Variants in KIF12 observed in about 807,000 individuals in gnomAD.
The protein encoded by KIF12 is kinesin-like protein KIF12.
Under a neutral mutation model 87.9 loss-of-function variants are expected in KIF12, and 80 were observed. The ratio of observed to expected loss-of-function variants is 0.91; its 90% CI spans 0.76 to 1.10. The LOEUF (loss-of-function observed/expected upper bound fraction) is 1.10, where lower values mean the gene tolerates loss of function less well. Ranked by LOEUF, KIF12 falls within the 50% of genes least tolerant of loss-of-function variation. KIF12 has a pLI of 0.00. For missense variants in KIF12, 819 were observed against 865.3 expected, an observed-to-expected ratio of 0.95 and a Z score of 0.67; for synonymous variants, 353 against 348.5, an observed-to-expected ratio of 1.01 and a Z score of -0.14.
chr9:114,098,200 G>T lies in KIF12; in HGVS notation c.300-10C>A. 1 of 1,543,038 alleles carries T rather than the reference G, an allele frequency of 6.5e-7. No homozygotes were observed. Among genetic ancestry groups the T allele is most frequent in the African/African-American group, 1.4e-5 (1 of 71,858 alleles). ...AACAGTGCAGGAGAAACTGCGGGCG[G>T]CAAGGGCGTGGCTGGACTCCGGCGG... On this transcript the variant is annotated splice_polypyrimidine_tract_variant and intron_variant, in intron 4 of 18. Coordinates refer to ENST00000640217, the MANE Select transcript of KIF12 (RefSeq NM_001388308.1).
chr9:114,093,465 T>A lies in KIF12; in HGVS notation c.1433A>T (p.Gln478Leu). ...ACACGGTGGGGTCAGGCCAGGACCC[T>A]GCTGGTGATGGTAGCAGGCAGAGAG... ...RLLSACYHHQ[Q>L]GPGLTPPCPC... The change falls in exon 15 of 19, where the codon CAG (glutamine) becomes CTG (leucine). Residue 478 changes from glutamine (Q) to leucine (L), a missense_variant. Physicochemically the swap from Gln to Leu is moderately radical, Grantham distance 113. Coordinates refer to ENST00000640217, the MANE Select transcript of KIF12 (RefSeq NM_001388308.1). 6.4e-7 allele frequency: 1 copy of A among 1,565,442 alleles called. No homozygotes were observed. Among genetic ancestry groups the A allele is most frequent in the Non-Finnish European group, 8.7e-7 (1 of 1,154,544 alleles).
In KIF12 at chr9:114,092,007, A is replaced by G. The variant is rs1438849959; in HGVS notation, c.1817-7T>C. On this transcript the variant is annotated splice_polypyrimidine_tract_variant and splice_region_variant and intron_variant, in intron 18 of 18. Coordinates refer to ENST00000640217, the MANE Select transcript of KIF12 (RefSeq NM_001388308.1). ...TTTGGAACCCCGGCCCCACCTAAGG[A>G]GCAGTGAGACTCGAGGCCTGCCCTC... is the stretch of plus-strand genomic sequence containing the variant. 6.2e-7 allele frequency: 1 copy of G among 1,608,658 alleles called. No individual in the cohort carries two copies. Among genetic ancestry groups the G allele is most frequent in the Admixed American group, 1.7e-5 (1 of 59,748 alleles).
chr9:114,096,599 C>G lies in KIF12; in HGVS notation c.647-121G>C, dbSNP rs529548284. On this transcript the variant is annotated intron_variant, in intron 7 of 18. Coordinates refer to ENST00000640217, the MANE Select transcript of KIF12 (RefSeq NM_001388308.1). ...GCCTCATGCAAAGGCAGGGAGGCAA[C>G]AGAGTGGGTGTTGTTCAGGGAACGA... The G allele has an allele frequency of 2.4e-5, 19 of 802,160 alleles. No homozygotes were observed. The South Asian group carries it at 2.8e-4, about 12-fold the overall frequency. The allele number at this position is 802,160 out of a possible 1,614,324, so 49.7% of individuals were successfully genotyped here. A position where few individuals can be genotyped will look rare whatever the true frequency, so the allele number is the denominator to read the frequency against.
intron 16 of KIF12, 178 bp downstream of exon 16, chr9:114,093,051 G>T (rs78849667): frequency 1.0e-5 from 12 of 1,176,000 alleles, no homozygotes; most frequent in South Asian, 6.2e-5. Flanking sequence ...GGTGAGGAGG[G>T]GGGAGGGTGA....
intron 18 of KIF12, 103 bp downstream of exon 18, chr9:114,092,230 A>G: frequency 1.3e-6 from 2 of 1,484,284 alleles, no homozygotes; most frequent in Middle Eastern, 2.3e-4. Flanking sequence ...CCACCTCTCA[A>G]CACCCACCCC....
intron 5 of KIF12, 25 bp downstream of exon 5, chr9:114,098,090 G>C (rs1034235309): frequency 1.9e-6 from 3 of 1,541,360 alleles, no homozygotes; most frequent in African/African-American, 2.8e-5. Flanking sequence ...CCCGCCCCGC[G>C]GGGGCGCCGC....
chr9:114,092,043 T>A, intron 18 of KIF12, 43 bp from the exon 19 acceptor site: 2 of 1,577,432 alleles, frequency 1.3e-6, no homozygotes, highest in Non-Finnish European at 8.6e-7. Context: ...TCCAGGGCCC[T>A]TCCTCACCCA....
chr9:114,097,480 G>C (rs1847281660), intron 6 of KIF12, 44 bp from the exon 7 acceptor site: 2 of 1,575,812 alleles, frequency 1.3e-6, no homozygotes, highest in East Asian at 4.5e-5. Context: ...ATCTTTCTGA[G>C]TCCACCCATC....
chr9:114,098,460 C>T (rs766031838), intron 3 of KIF12, 31 bp from the exon 4 acceptor site: 281 of 1,475,328 alleles, frequency 1.9e-4, no homozygotes, highest in Non-Finnish European at 2.3e-4. Flanking sequence ...GAGCGGGGCA[C>T]TCTGGAGGAG....
intron 16 of KIF12, 82 bp from the exon 17 acceptor site, chr9:114,092,724 C>T (rs1588499084): frequency 6.6e-7 from 1 of 1,516,958 alleles, no homozygotes; most frequent in Non-Finnish European, 8.8e-7. Flanking sequence ...AGCCATGACA[C>T]CCCACCATGC....
intron 13 of KIF12, 65 bp from the exon 14 acceptor site, chr9:114,094,037 C>T: frequency 6.8e-7 from 1 of 1,480,952 alleles, no homozygotes; most frequent in Non-Finnish European, 9.4e-7. Flanking sequence ...CAGTCAGCTC[C>T]TCCTCATTGC....
intron 6 of KIF12, 49 bp from the exon 7 acceptor site, chr9:114,097,485 C>T (rs1295990166): frequency 6.4e-7 from 1 of 1,574,762 alleles, no homozygotes. Flanking sequence ...TCTGAGTCCA[C>T]CCATCCCCAG....
At chr9:114,096,631 G>A (rs1847243696) in intron 7 of KIF12, among the ~76,000 whole-genome samples, 153 bp from the exon 8 acceptor site, 1 of 152,228 alleles carries the variant, frequency 6.6e-6, no homozygotes, top group Admixed American at 6.5e-5. Flanking sequence ...ACGATGGGAT[G>A]TTGGGCCCTG....
rs370618777 is a variant in KIF12, at chr9:114,091,992, C to T, written c.1825G>A (p.Gly609Arg). Reference sequence around the variant, plus strand: ...AGTCTCTGGGCCAGGTTTGGAACCCCGGCCCCACCTAAGGAGCAGTGAGAC... The same window carrying T: ...AGTCTCTGGGCCAGGTTTGGAACCCTGGCCCCACCTAAGGAGCAGTGAGAC... ...KTSPGLRGGA[G>R]VPNLAQRLEA... Residue 609 changes from glycine (G) to arginine (R), a missense_variant, in exon 19 of 19, where the codon GGG (glycine) becomes AGG (arginine). Coordinates refer to ENST00000640217, the MANE Select transcript of KIF12 (RefSeq NM_001388308.1). 52 of 1,611,358 alleles carry T rather than the reference C, an allele frequency of 3.2e-5. No homozygotes were observed. In the South Asian group the frequency reaches 3.4e-4, roughly 11 times the overall value.
chr9:114,098,407 G>T lies in KIF12; in HGVS notation c.194C>A (p.Pro65Gln). 1 of 1,505,678 alleles carries T rather than the reference G, an allele frequency of 6.6e-7. No individual in the cohort carries two copies. The highest frequency in any genetic ancestry group is 8.8e-7 in the Non-Finnish European group (1 of 1,132,536). 93.3% of individuals were successfully genotyped at this position (1,505,678 alleles called of 1,614,324 possible). Residue 65 changes from proline to glutamine, a missense_variant, in exon 4 of 19, where the codon CCA (proline) becomes CAA (glutamine). Pro to Gln is a moderately conservative substitution (Grantham distance 76). Coordinates refer to ENST00000640217, the MANE Select transcript of KIF12 (RefSeq NM_001388308.1). ...CGCACCGAAGCGGAACGCCACTTCT[G>T]GACCCCCGCCTGGAGGACTCACCTG... ...TLQVSPPGGG[P>Q]EVAFRFGAVL...
chr9:114,093,466 G>A lies in KIF12; in HGVS notation c.1432C>T (p.Gln478Ter). Residue 478 changes from glutamine to a stop codon, truncating the protein, a stop_gained, in exon 15 of 19, where the codon CAG (glutamine) becomes TAG (stop). Transcript: ENST00000640217. LOFTEE classifies it high-confidence loss of function. ...RLLSACYHHQ[Q>*]GPGLTPPCPC... is the part of the protein sequence containing the mutation. Reference sequence around the variant, plus strand: ...CACGGTGGGGTCAGGCCAGGACCCTGCTGGTGATGGTAGCAGGCAGAGAGG... The same window carrying A: ...CACGGTGGGGTCAGGCCAGGACCCTACTGGTGATGGTAGCAGGCAGAGAGG... The A allele has an allele frequency of 4.5e-6, 7 of 1,565,120 alleles. No individual in the cohort carries two copies. The highest frequency in any genetic ancestry group is 6.1e-6 in the Non-Finnish European group (7 of 1,154,362).
rs1409544044 is a variant in KIF12 at position 114,092,658 on chromosome 9, G to A, written c.1597-16C>T. ...GGTCCAACACCTGTAGGAAAGACCAGAGTCCACTCTGGGTGACCTCAGTCC... is the reference window on the plus strand; with the variant it reads ...GGTCCAACACCTGTAGGAAAGACCAAAGTCCACTCTGGGTGACCTCAGTCC... On this transcript the variant is annotated splice_polypyrimidine_tract_variant and intron_variant, in intron 16 of 18. Transcript: ENST00000640217. 6.4e-7 allele frequency: 1 copy of A among 1,570,132 alleles called. No individual in the cohort carries two copies. The highest frequency in any genetic ancestry group is 1.9e-5 in the Admixed American group (1 of 53,576).
At position 114,098,407 on chromosome 9, in the gene KIF12, G is replaced by A. The variant is rs1433822143; in HGVS notation, c.194C>T (p.Pro65Leu). Residue 65 changes from proline to leucine, a missense_variant, in exon 4 of 19, where the codon CCA becomes CTA. Pro to Leu is a moderately conservative substitution (Grantham distance 98). Transcript: ENST00000640217. ...TLQVSPPGGGPEVAFRFGAVL... is the reference protein window; with the variant it reads ...TLQVSPPGGGLEVAFRFGAVL... ...CGCACCGAAGCGGAACGCCACTTCT[G>A]GACCCCCGCCTGGAGGACTCACCTG... The A allele has an allele frequency of 2.7e-6, 4 of 1,505,574 alleles. No individual in the cohort carries two copies. The highest frequency in any genetic ancestry group is 2.7e-5 in the East Asian group (1 of 37,664). 93.3% of individuals were successfully genotyped at this position (1,505,574 alleles called of 1,614,324 possible). A position where few individuals can be genotyped will look rare whatever the true frequency, so the allele number is the denominator to read the frequency against.
chr9:114,095,600 G>A (rs1847190616), intron 9 of KIF12, among the ~76,000 whole-genome samples: 1 of 152,196 alleles, frequency 6.6e-6, no homozygotes, highest in South Asian at 2.1e-4. Flanking sequence ...CAAATGGATT[G>A]TACACAAAGG....
Sources: gnomAD v4.1 joint callset for allele counts (sites outside exome capture counted in the v4.1 genomes callset) on GRCh38, gnomAD v4.1.1 for gene constraint, MANE v1.5 for transcripts, NCBI Gene and HGNC (gene_info 2026-07-23, HGNC 2026-07-21) for gene names.